The following SLC24A2 variants were observed in gnomAD, a reference collection of about 807,000 sequenced individuals.
SLC24A2 encodes solute carrier family 24 member 2, also known as sodium/potassium/calcium exchanger 2.
In SLC24A2, 36 loss-of-function variants were observed where a neutral mutation model predicts 62.0. The observed-to-expected ratio is 0.58, with a 90% confidence interval of 0.44 to 0.77. The LOEUF (loss-of-function observed/expected upper bound fraction) is 0.77, where lower values mean the gene tolerates loss of function less well. SLC24A2 is among the 30% of genes least tolerant of loss of function. SLC24A2 has a pLI of 0.00. For missense variants in SLC24A2, 846 were observed against 817.9 expected (o/e 1.03, Z -0.42); for synonymous variants, 358 against 294.0 (o/e 1.22, Z -2.23).
chr9:20,223,633 T>A, the SLC24A2 span, among the ~76,000 whole-genome samples: 10 of 152,118 alleles, frequency 6.6e-5, no homozygotes, highest in African/African-American at 2.4e-4. Context: ...AATAGACAAA[T>A]ACATCAATGG....
chr9:19,924,343 C>T, the SLC24A2 span, among the ~76,000 whole-genome samples: 12 of 152,184 alleles, frequency 7.9e-5, no homozygotes, highest in African/African-American at 2.9e-4. Flanking sequence ...TTTCTCTTTG[C>T]TAGAGCTCTA....
chr9:19,551,783 T>A (rs1255792095), intron 7 of SLC24A2, among the ~76,000 whole-genome samples: 2 of 152,086 alleles, frequency 1.3e-5, no homozygotes, highest in East Asian at 3.9e-4. Context: ...CTCACAGCAA[T>A]GCTATGTCTT....
At chr9:19,532,434 G>A (rs576523800) in intron 8 of SLC24A2, among the ~76,000 whole-genome samples, 11 of 152,102 alleles carry the variant, frequency 7.2e-5, no homozygotes, top group East Asian at 1.9e-4. Context: ...ATTTGAGGCC[G>A]AATAGAATGT....
chr9:19,881,570 C>T, the SLC24A2 span, among the ~76,000 whole-genome samples: 52 of 152,228 alleles, frequency 3.4e-4, no homozygotes, highest in African/African-American at 9.6e-4. Context: ...ACTATGACAG[C>T]GCCTTAGAGA....
the SLC24A2 span, among the ~76,000 whole-genome samples, chr9:19,797,588 C>T: frequency 6.6e-6 from 1 of 152,206 alleles, no homozygotes; most frequent in Non-Finnish European, 1.5e-5. Context: ...TGCATAATTT[C>T]TCTTAGGCTG....
chr9:20,028,698 T>C, the SLC24A2 span, among the ~76,000 whole-genome samples: 2 of 152,162 alleles, frequency 1.3e-5, no homozygotes, highest in African/African-American at 4.8e-5. Flanking sequence ...GCAATAAAAA[T>C]TTTTGTCAAT....
At chr9:19,816,224 T>G in the SLC24A2 span, among the ~76,000 whole-genome samples, 18 of 152,128 alleles carry the variant, frequency 1.2e-4, 1 homozygote, top group African/African-American at 4.3e-4. Context: ...ACATGGTTAT[T>G]CAGGGACTCA....
At chr9:19,807,378 G>T in the SLC24A2 span, among the ~76,000 whole-genome samples, 1,182 of 152,298 alleles carry the variant, frequency 7.8e-3, 20 homozygotes, top group African/African-American at 0.027. Context: ...TCCTAATTTG[G>T]TTATTCAATG....
chr9:20,099,407 T>C, the SLC24A2 span, among the ~76,000 whole-genome samples: 1 of 152,216 alleles, frequency 6.6e-6, no homozygotes, highest in African/African-American at 2.4e-5. Context: ...TGAACTGAAA[T>C]CTGCTCACAG....
the SLC24A2 span, among the ~76,000 whole-genome samples, chr9:19,900,434 T>C: frequency 6.6e-6 from 1 of 152,204 alleles, no homozygotes; most frequent in Admixed American, 6.5e-5. Flanking sequence ...CCCTCTTCCC[T>C]ACTCGCCTAT....
At chr9:19,788,512 C>T in intron 1 of SLC24A2, 1 of 985,454 alleles carries the variant, frequency 1.0e-6, no homozygotes, top group African/African-American at 1.7e-5. Flanking sequence ...GAAAATAAAT[C>T]TAAAGGACAG....
intron 8 of SLC24A2, among the ~76,000 whole-genome samples, chr9:19,542,173 G>A (rs1586923022): frequency 1.3e-5 from 2 of 152,176 alleles, no homozygotes; most frequent in Non-Finnish European, 1.5e-5. Context: ...CTTCTGCGTC[G>A]CTCACGCTGG....
chr9:19,521,737 T>A (rs755383114), intron 9 of SLC24A2, among the ~76,000 whole-genome samples: 3 of 152,180 alleles, frequency 2.0e-5, no homozygotes, highest in Non-Finnish European at 2.9e-5. Context: ...TTCTCATCCA[T>A]AAACTGGGGA....
At chr9:19,802,598 C>T in the SLC24A2 span, among the ~76,000 whole-genome samples, 1 of 152,032 alleles carries the variant, frequency 6.6e-6, no homozygotes, top group Non-Finnish European at 1.5e-5. Flanking sequence ...CATTAAATCT[C>T]TTGGTTTAAA....
chr9:19,952,883 T>A, the SLC24A2 span, among the ~76,000 whole-genome samples: 1 of 151,968 alleles, frequency 6.6e-6, no homozygotes, highest in Non-Finnish European at 1.5e-5. Context: ...TCTGGATTTT[T>A]AAAAATATAT....
the SLC24A2 span, among the ~76,000 whole-genome samples, chr9:19,831,572 A>G: frequency 5.9e-5 from 9 of 152,252 alleles, no homozygotes; most frequent in African/African-American, 2.2e-4. Flanking sequence ...TACAAATATC[A>G]TAAGATTCTC....
the SLC24A2 span, among the ~76,000 whole-genome samples, chr9:20,212,694 A>G: frequency 6.6e-6 from 1 of 151,732 alleles, no homozygotes; most frequent in African/African-American, 2.4e-5. Flanking sequence ...GTGATTTACT[A>G]ACTATCTATA....
At position 19,528,120 on chromosome 9, in the gene SLC24A2, G is replaced by GA; in HGVS notation, c.1497dup (p.Pro500SerfsTer33). On this transcript the variant is annotated frameshift_variant, in exon 9 of 11. Transcript: ENST00000341998. LOFTEE classifies it high-confidence loss of function. Reference sequence around the variant, plus strand: ...GTAATGGAGCCAAAGAACGTGATGGGAAAAAACTTCCTCGATGACTGAAAG... The same window carrying GA: ...GTAATGGAGCCAAAGAACGTGATGGGAAAAAAACTTCCTCGATGACTGAAAG... 2 of 1,592,040 alleles carry GA rather than the reference G, an allele frequency of 1.3e-6. No individual in the cohort carries two copies. The highest frequency in any genetic ancestry group is 1.7e-6 in the Non-Finnish European group (2 of 1,168,000).
chr9:19,953,934 C>G, the SLC24A2 span, among the ~76,000 whole-genome samples: 1 of 151,724 alleles, frequency 6.6e-6, no homozygotes, highest in Non-Finnish European at 1.5e-5. Flanking sequence ...AGTTTTCACA[C>G]TGTCCTATTG....
Sources: gnomAD v4.1 joint callset for allele counts (sites outside exome capture counted in the v4.1 genomes callset) on GRCh38, gnomAD v4.1.1 for gene constraint, MANE v1.5 for transcripts, NCBI Gene and HGNC (gene_info 2026-07-23, HGNC 2026-07-21) for gene names.